GMDS: variants seen among roughly 807,000 people sequenced by gnomAD.
GMDS encodes GDP-mannose 4,6-dehydratase.
Under a neutral mutation model 49.9 loss-of-function variants are expected in GMDS, and 20 were observed. The observed-to-expected ratio is 0.40, with a 90% CI of 0.28 to 0.58. GMDS has a LOEUF of 0.58. Ranked by LOEUF, GMDS falls within the 20% of genes least tolerant of loss-of-function variation. GMDS has a pLI of 0.42. For synonymous variants in GMDS, 177 were observed against 178.6 expected (o/e 0.99, Z 0.07); for missense variants, 362 against 481.4 (o/e 0.75, Z 2.32).
intron 9 of GMDS, among the ~76,000 whole-genome samples, chr6:1,658,903 G>A (rs1255063351): frequency 2.0e-5 from 3 of 152,206 alleles, no homozygotes; most frequent in African/African-American, 4.8e-5. Context: ...ATACCTGAAC[G>A]GCTCTCACAA....
intron 6 of GMDS, among the ~76,000 whole-genome samples, chr6:1,942,333 A>G (rs114331440): frequency 1.3e-5 from 2 of 152,038 alleles, no homozygotes; most frequent in East Asian, 3.9e-4. Context: ...GTAGGCCACA[A>G]ATGAGGTGGC....
chr6:1,737,927 A>C (rs749903040), intron 8 of GMDS, among the ~76,000 whole-genome samples: 139 of 150,454 alleles, frequency 9.2e-4, no homozygotes, highest in Non-Finnish European at 1.6e-3. Context: ...ACACAGATAC[A>C]TACACACCAC....
chr6:2,021,315 G>A (rs1768267275), intron 4 of GMDS, among the ~76,000 whole-genome samples: 1 of 152,102 alleles, frequency 6.6e-6, no homozygotes, highest in African/African-American at 2.4e-5. Context: ...CTAGAAGTTA[G>A]GAATGAAACA....
At chr6:1,732,982 CGAA>C (rs1257518022) in intron 8 of GMDS, among the ~76,000 whole-genome samples, 1 of 152,238 alleles carries the variant, frequency 6.6e-6, no homozygotes, top group Non-Finnish European at 1.5e-5. Context: ...GAGACTGCAA[CGAA>C]GAAGATGGGC....
rs1279817442 is a variant in GMDS, at chr6:2,186,323, TA to T, written c.102+58997del. ...TGTTTATGTTACTGTAATCAGGGGA[TA>T]TTTTTAAGTATCCCTTAAAATTAGC... On this transcript the variant is annotated intron_variant, in intron 1 of 10. Coordinates refer to ENST00000380815, the MANE Select transcript of GMDS (RefSeq NM_001500.4). 3.3e-5 allele frequency among the ~76,000 whole-genome samples: 5 copies of T among 152,264 alleles called. No homozygotes were observed. In the South Asian group the frequency reaches 6.2e-4, roughly 19 times the overall value.
chr6:2,083,600 G>T (rs1772840909), intron 4 of GMDS, among the ~76,000 whole-genome samples: 1 of 152,164 alleles, frequency 6.6e-6, no homozygotes. Flanking sequence ...TACTTTGAAA[G>T]ATTGACCCAA....
rs12207776 is a variant in GMDS at position 2,099,420 on chromosome 6, T to C, written c.345+16351A>G. On this transcript the variant is annotated intron_variant, in intron 4 of 10. Coordinates refer to ENST00000380815, the MANE Select transcript of GMDS (RefSeq NM_001500.4). Reference sequence around the variant, plus strand: ...AGCAATTTTGGGGCACAACAGGTTCTACTGTAATTGTCTGTAAATTATAAT... The same window carrying C: ...AGCAATTTTGGGGCACAACAGGTTCCACTGTAATTGTCTGTAAATTATAAT... Among the ~76,000 whole-genome samples the C allele has an allele frequency of 4.7e-3, 712 of 152,256 alleles. 2 individuals carry two copies. The highest frequency in any genetic ancestry group is 7.7e-3 in the Non-Finnish European group (525 of 67,956).
At chr6:1,977,292 A>G (rs1764959219) in intron 4 of GMDS, among the ~76,000 whole-genome samples, 1 of 152,236 alleles carries the variant, frequency 6.6e-6, no homozygotes, top group African/African-American at 2.4e-5. Context: ...TATTTTGCCA[A>G]TAACCAACAG....
At chr6:2,229,834 C>T (rs1436779570) in intron 1 of GMDS, among the ~76,000 whole-genome samples, 2 of 152,186 alleles carry the variant, frequency 1.3e-5, no homozygotes, top group African/African-American at 2.4e-5. Context: ...TATTTGGTTG[C>T]TCTACCTGAA....
chr6:2,144,502 C>A (rs1174305645), intron 1 of GMDS, among the ~76,000 whole-genome samples: 1 of 152,170 alleles, frequency 6.6e-6, no homozygotes, highest in Non-Finnish European at 1.5e-5. Flanking sequence ...AGGCTTTGGG[C>A]TACAGAGGTG....
chr6:2,097,727 T>C (rs1773690717), intron 4 of GMDS, among the ~76,000 whole-genome samples: 1 of 152,106 alleles, frequency 6.6e-6, no homozygotes, highest in South Asian at 2.1e-4. Context: ...AAAGTGAGCC[T>C]TTACTCTAGG....
intron 8 of GMDS, among the ~76,000 whole-genome samples, chr6:1,742,219 CA>C (rs1767302021): frequency 6.6e-6 from 1 of 152,026 alleles, no homozygotes; most frequent in Non-Finnish European, 1.5e-5. Context: ...CGCGCCTGGC[CA>C]AAAACATCTT....
chr6:1,937,911 G>A (rs1762629926), intron 6 of GMDS, among the ~76,000 whole-genome samples: 1 of 152,156 alleles, frequency 6.6e-6, no homozygotes, highest in African/African-American at 2.4e-5. Context: ...GGTGGCTCAT[G>A]CCTATAATCC....
intron 9 of GMDS, among the ~76,000 whole-genome samples, chr6:1,699,928 G>A (rs1039553377): frequency 7.2e-5 from 11 of 152,356 alleles, no homozygotes; most frequent in African/African-American, 2.4e-4. Flanking sequence ...CGCAGAGGCA[G>A]CTGGCCTAAG....
intron 7 of GMDS, among the ~76,000 whole-genome samples, chr6:1,798,239 A>G (rs372269307): frequency 0.02 from 8 of 404 alleles, no homozygotes; most frequent in South Asian, 0.091. Flanking sequence ...ATTACAGAGC[A>G]CACACACACA....
At chr6:2,213,696 G>A (rs576754767) in intron 1 of GMDS, among the ~76,000 whole-genome samples, 1 of 152,212 alleles carries the variant, frequency 6.6e-6, no homozygotes, top group African/African-American at 2.4e-5. Flanking sequence ...ACCAATCAGC[G>A]AGCATTAGAG....
intron 4 of GMDS, among the ~76,000 whole-genome samples, chr6:2,093,466 C>CTAG: frequency 6.6e-6 from 1 of 152,166 alleles, no homozygotes; most frequent in South Asian, 2.1e-4. Context: ...CCCTAAAAAA[C>CTAG]TAGTAATAGT....
At chr6:2,116,885 T>A (rs939100245) in intron 3 of GMDS, among the ~76,000 whole-genome samples, 1 of 152,082 alleles carries the variant, frequency 6.6e-6, no homozygotes, top group Non-Finnish European at 1.5e-5. Flanking sequence ...GCTCTCTGGG[T>A]CTCCCTATCC....
intron 8 of GMDS, among the ~76,000 whole-genome samples, chr6:1,728,991 G>A (rs1050806848): frequency 2.6e-5 from 4 of 151,648 alleles, no homozygotes; most frequent in African/African-American, 9.7e-5. Flanking sequence ...AAACCAAAAG[G>A]GCCTCAGCTG....
Sources: allele counts gnomAD v4.1 joint callset (sites outside exome capture counted in the v4.1 genomes callset), GRCh38; gene constraint gnomAD v4.1.1; transcripts MANE v1.5; gene names NCBI Gene and HGNC (gene_info 2026-07-23, HGNC 2026-07-21).